The following TMEM178B variants were observed in gnomAD, a reference collection of about 807,000 sequenced individuals.
TMEM178B encodes the protein transmembrane protein 178B.
Under a neutral mutation model 31.0 loss-of-function variants are expected in TMEM178B, and 5 were observed. The observed-to-expected ratio is 0.16, with a 90% confidence interval of 0.08 to 0.34. The LOEUF is 0.34. TMEM178B is among the 10% of genes least tolerant of loss of function. The pLI is 1.00. For missense variants in TMEM178B, 275 were observed against 400.3 expected (o/e 0.69, Z 2.67); for synonymous variants, 164 against 164.0 (o/e 1.00, Z 0.00).
chr7:141,346,093 T>C (rs1375904180), intron 2 of TMEM178B, among the ~76,000 whole-genome samples: 2 of 151,860 alleles, frequency 1.3e-5, no homozygotes, highest in East Asian at 3.9e-4. Flanking sequence ...TGGTGGCGGG[T>C]GCCTGTAGTC....
chr7:141,339,475 G>C (rs1379634062), intron 2 of TMEM178B, among the ~76,000 whole-genome samples: 1 of 152,080 alleles, frequency 6.6e-6, no homozygotes, highest in Non-Finnish European at 1.5e-5. Context: ...GTCAGGCCAA[G>C]CAGGGGGTCA....
intron 2 of TMEM178B, among the ~76,000 whole-genome samples, chr7:141,433,842 T>C (rs1801483660): frequency 1.3e-5 from 2 of 152,224 alleles, no homozygotes; most frequent in Admixed American, 6.5e-5. Flanking sequence ...TGCACGGCTC[T>C]GGCAAAATAA....
At chr7:141,510,451 C>T in the TMEM178B span, among the ~76,000 whole-genome samples, 5 of 151,730 alleles carry the variant, frequency 3.3e-5, no homozygotes, top group Middle Eastern at 3.4e-3. Flanking sequence ...TTTGGGAGGG[C>T]GAGGCAGGCG....
At chr7:141,301,287 G>C (rs1012072602) in intron 2 of TMEM178B, among the ~76,000 whole-genome samples, 3 of 152,124 alleles carry the variant, frequency 2.0e-5, no homozygotes. Flanking sequence ...GGCTAATTAC[G>C]TGAAATTTCT....
Position 141,074,215 on chromosome 7 carries a change from C to T in TMEM178B, c.-96C>T. The T allele has an allele frequency of 2.1e-6, 3 of 1,431,106 alleles. No homozygotes were observed. The highest frequency in any genetic ancestry group is 2.7e-6 in the Non-Finnish European group (3 of 1,094,810). The allele number at this position is 1,431,106 out of a possible 1,614,324, so 88.7% of individuals were successfully genotyped here. A position where few individuals can be genotyped will look rare whatever the true frequency, so the allele number is the denominator to read the frequency against. ...GGCGCGAGTCCCTCTCCTGCCCCCT[C>T]CCCCAGCTCGGCCGCCCGCCGCTTT... On this transcript the variant is annotated 5_prime_UTR_variant, in exon 1 of 4. Coordinates refer to ENST00000565468, the MANE Select transcript of TMEM178B (RefSeq NM_001195278.2). This position sits in a 1 kb window ranked among gnomAD's most constrained non-coding sequence, Gnocchi z 5.1.
In TMEM178B at chr7:141,083,507, C is replaced by CAGAA. The variant is rs773708848; in HGVS notation, c.382+8818_382+8819insAAGA. Among the ~76,000 whole-genome samples the CAGAA allele has an allele frequency of 4.1e-5, 6 of 147,744 alleles. No homozygotes were observed. The East Asian group carries it at 1.2e-3, about 29-fold the overall frequency. ...GAAGGGAGGGAGAGAGAGAGAGAGA[C>CAGAA]AGACAGACAGACAGACAGACAGATG... On this transcript the variant is annotated intron_variant, in intron 1 of 3. Transcript: ENST00000565468.
chr7:141,131,704 G>A (rs1444120270), intron 1 of TMEM178B, among the ~76,000 whole-genome samples: 1 of 152,112 alleles, frequency 6.6e-6, no homozygotes, highest in Non-Finnish European at 1.5e-5. Flanking sequence ...CTACCTTGTT[G>A]ATGGGCATTT....
intron 1 of TMEM178B, among the ~76,000 whole-genome samples, chr7:141,088,947 G>A (rs1009346345): frequency 6.6e-6 from 1 of 152,132 alleles, no homozygotes; most frequent in Non-Finnish European, 1.5e-5. Context: ...TTTTTAAAAT[G>A]AGATTTCCAG....
chr7:141,385,648 T>G (rs1265387635), intron 2 of TMEM178B, among the ~76,000 whole-genome samples: 1 of 152,192 alleles, frequency 6.6e-6, no homozygotes, highest in Non-Finnish European at 1.5e-5. Flanking sequence ...TTTATCCAGT[T>G]CTACCTGTTT....
At chr7:141,164,108 T>C (rs1205989838) in intron 1 of TMEM178B, among the ~76,000 whole-genome samples, 4 of 152,206 alleles carry the variant, frequency 2.6e-5, no homozygotes, top group South Asian at 4.1e-4. Context: ...CTTTGATAGA[T>C]ACAATAGTAC....
chr7:141,262,768 C>A (rs1228244846), intron 2 of TMEM178B, among the ~76,000 whole-genome samples: 1 of 152,088 alleles, frequency 6.6e-6, no homozygotes, highest in African/African-American at 2.4e-5. Context: ...GTGACTGATA[C>A]AGCCCTGAAA....
At chr7:141,488,377 G>A in the TMEM178B span, among the ~76,000 whole-genome samples, 1 of 152,128 alleles carries the variant, frequency 6.6e-6, no homozygotes, top group African/African-American at 2.4e-5. Context: ...AGCTATTTTG[G>A]AGGCCAAGTG....
intron 3 of TMEM178B, among the ~76,000 whole-genome samples, chr7:141,466,171 A>G (rs576198807): frequency 1.3e-5 from 2 of 152,344 alleles, no homozygotes; most frequent in African/African-American, 4.8e-5. Flanking sequence ...TTTAAGGGCC[A>G]TCTCAAGTGG....
intron 2 of TMEM178B, among the ~76,000 whole-genome samples, chr7:141,436,282 G>T (rs1458143653): frequency 6.6e-6 from 1 of 152,192 alleles, no homozygotes. Flanking sequence ...GTTGAGAAAA[G>T]ATTGTCCAGG....
At chr7:141,351,657 A>G (rs1799725512) in intron 2 of TMEM178B, among the ~76,000 whole-genome samples, 1 of 152,186 alleles carries the variant, frequency 6.6e-6, no homozygotes, top group African/African-American at 2.4e-5. Flanking sequence ...TTTGCTCAGA[A>G]TCTTCCCAAA....
intron 2 of TMEM178B, among the ~76,000 whole-genome samples, chr7:141,376,574 T>A (rs1285667676): frequency 6.6e-6 from 1 of 152,172 alleles, no homozygotes; most frequent in Non-Finnish European, 1.5e-5. Context: ...CATCAAAATT[T>A]TAGATAGATA....
At chr7:141,307,677 TG>T (rs1454929401) in intron 2 of TMEM178B, among the ~76,000 whole-genome samples, 1 of 152,242 alleles carries the variant, frequency 6.6e-6, no homozygotes, top group African/African-American at 2.4e-5. Context: ...TTCCTAAAAA[TG>T]GGATAAATAG....
intron 2 of TMEM178B, among the ~76,000 whole-genome samples, chr7:141,366,553 T>C (rs1175796275): frequency 6.6e-6 from 1 of 152,210 alleles, no homozygotes; most frequent in East Asian, 1.9e-4. Context: ...GAGGGGCTTC[T>C]TTGCATTCTT....
chr7:141,198,645 C>T lies in TMEM178B; in HGVS notation c.383-13946C>T, dbSNP rs1034181618. On this transcript the variant is annotated intron_variant, in intron 1 of 3. Transcript: ENST00000565468. Reference sequence around the variant, plus strand: ...CCCTTGCTGGCCCATCCTTCATCGCCCCTGCCTGCCTCCATCACTGTCTCC... The same window carrying T: ...CCCTTGCTGGCCCATCCTTCATCGCTCCTGCCTGCCTCCATCACTGTCTCC... 5.3e-5 allele frequency among the ~76,000 whole-genome samples: 8 copies of T among 152,334 alleles called. No homozygotes were observed. In the East Asian group the frequency reaches 1.5e-3, roughly 29 times the overall value.
Sources: gnomAD v4.1 joint callset for allele counts (sites outside exome capture counted in the v4.1 genomes callset) on GRCh38, gnomAD v4.1.1 for gene constraint, Gnocchi (gnomAD v3.1) non-coding constraint, MANE v1.5 for transcripts, NCBI Gene and HGNC (gene_info 2026-07-23, HGNC 2026-07-21) for gene names.